BCL2: variants seen among roughly 807,000 people sequenced by gnomAD.
BCL2 encodes BCL2 apoptosis regulator, also known as apoptosis regulator Bcl-2.
BCL2 carries 1 observed loss-of-function variant against 14.2 expected under a neutral mutation model. That is an observed-to-expected ratio of 0.07 (90% confidence interval 0.02 to 0.33). The LOEUF is 0.33. BCL2 is among the 10% of genes least tolerant of loss of function. The pLI is 0.99. For synonymous variants in BCL2, 151 were observed against 137.2 expected (o/e 1.10, Z -0.70); for missense variants, 247 against 305.9 (o/e 0.81, Z 1.44).
chr18:63,317,785 G>C, intron 2 of BCL2: 1 of 1,258,776 alleles, frequency 7.9e-7, no homozygotes, highest in African/African-American at 1.5e-5. Context: ...CCTTCAGCTT[G>C]AGAAACACTG....
chr18:63,263,928 C>T (rs923623095), intron 2 of BCL2, among the ~76,000 whole-genome samples: 4 of 152,198 alleles, frequency 2.6e-5, no homozygotes, highest in South Asian at 2.1e-4. Context: ...CGGGTTTAAG[C>T]GAATCTCATT....
intron 2 of BCL2, among the ~76,000 whole-genome samples, chr18:63,300,488 G>GTA (rs1430496452): frequency 7.2e-5 from 11 of 151,922 alleles, no homozygotes; most frequent in Non-Finnish European, 1.5e-4. Context: ...GTGTGTGTGT[G>GTA]TGTGTATTTT....
At chr18:63,132,769 A>T (rs547639884) in intron 2 of BCL2, among the ~76,000 whole-genome samples, 1 of 152,334 alleles carries the variant, frequency 6.6e-6, no homozygotes, top group East Asian at 1.9e-4. Flanking sequence ...CTGTTTGAAC[A>T]GTCTGTCATT....
intron 2 of BCL2, chr18:63,317,023 A>G (rs1913519539): frequency 6.6e-6 from 1 of 152,058 alleles, no homozygotes; most frequent in East Asian, 1.9e-4. Flanking sequence ...ACAATCCTTG[A>G]CTCTTAGGAA....
At chr18:63,303,358 GAA>G (rs879675424) in intron 2 of BCL2, among the ~76,000 whole-genome samples, 1 of 150,740 alleles carries the variant, frequency 6.6e-6, no homozygotes, top group Non-Finnish European at 1.5e-5. Context: ...AAGGGAGACA[GAA>G]AAAAAAAGTT....
At chr18:63,145,399 TG>T (rs201148141) in intron 2 of BCL2, among the ~76,000 whole-genome samples, 2 of 121,936 alleles carry the variant, frequency 1.6e-5, no homozygotes, top group East Asian at 2.1e-4. Flanking sequence ...ATCCAGGGGG[TG>T]GGGGGGCTTC....
chr18:63,268,537 C>T (rs149222415), intron 2 of BCL2, among the ~76,000 whole-genome samples: 10 of 152,262 alleles, frequency 6.6e-5, no homozygotes, highest in Admixed American at 2.0e-4. Context: ...AAAATTGAGA[C>T]GAACTGCTGG....
chr18:63,157,785 T>C (rs1179185759), intron 2 of BCL2, among the ~76,000 whole-genome samples: 1 of 152,186 alleles, frequency 6.6e-6, no homozygotes, highest in Non-Finnish European at 1.5e-5. Context: ...TGTGCACCAC[T>C]GCTCCCGCAG....
intron 2 of BCL2, among the ~76,000 whole-genome samples, chr18:63,259,816 A>T (rs914514598): frequency 6.6e-6 from 1 of 152,256 alleles, no homozygotes; most frequent in Admixed American, 6.5e-5. Context: ...ATCTATATTG[A>T]ACAGAAAGAA....
intron 2 of BCL2, among the ~76,000 whole-genome samples, chr18:63,180,251 GC>G (rs1184442665): frequency 6.6e-6 from 1 of 152,234 alleles, no homozygotes; most frequent in African/African-American, 2.4e-5. Context: ...TAGCCAAGTT[GC>G]TTTTCTGAAT....
chr18:63,161,248 C>T (rs1156418158), intron 2 of BCL2, among the ~76,000 whole-genome samples: 1 of 152,052 alleles, frequency 6.6e-6, no homozygotes, highest in Non-Finnish European at 1.5e-5. Flanking sequence ...TTGGTGAAAT[C>T]CCCCCCTTGG....
At chr18:63,234,705 G>C (rs1012515481) in intron 2 of BCL2, among the ~76,000 whole-genome samples, 2 of 152,186 alleles carry the variant, frequency 1.3e-5, no homozygotes, top group African/African-American at 2.4e-5. Context: ...TCTGGAATTC[G>C]ATCTGGACTT....
At chr18:63,245,973 G>A (rs2144200071) in intron 2 of BCL2, among the ~76,000 whole-genome samples, 1 of 152,294 alleles carries the variant, frequency 6.6e-6, no homozygotes, top group Middle Eastern at 3.4e-3. Flanking sequence ...AAGAAATGGA[G>A]TCTACTGACT....
chr18:63,160,904 G>A (rs1485427387), intron 2 of BCL2, among the ~76,000 whole-genome samples: 1 of 152,170 alleles, frequency 6.6e-6, no homozygotes, highest in Non-Finnish European at 1.5e-5. Flanking sequence ...CAGAGTGAGT[G>A]CCAGGCAGCT....
intron 2 of BCL2, among the ~76,000 whole-genome samples, chr18:63,290,681 C>T (rs1471518850): frequency 1.3e-5 from 2 of 152,260 alleles, no homozygotes; most frequent in East Asian, 1.9e-4. Context: ...GGAGCCCTTG[C>T]TTTGGAGAGA....
chr18:63,129,769 G>A (rs546351659), intron 2 of BCL2, among the ~76,000 whole-genome samples: 122 of 152,340 alleles, frequency 8.0e-4, no homozygotes, highest in Non-Finnish European at 1.5e-3. Context: ...AGAGCATTTG[G>A]TCAGTCAAGG....
chr18:63,290,730 G>GA (rs563916622), intron 2 of BCL2, among the ~76,000 whole-genome samples: 32 of 152,010 alleles, frequency 2.1e-4, no homozygotes, highest in Non-Finnish European at 3.1e-4. Flanking sequence ...CACTCAGCAG[G>GA]AAAAAAATCT....
intron 2 of BCL2, among the ~76,000 whole-genome samples, chr18:63,262,026 C>T (rs190791557): frequency 1.4e-3 from 208 of 152,028 alleles, no homozygotes; most frequent in African/African-American, 4.9e-3. Flanking sequence ...GTGATCTGCC[C>T]GCCTCGGCCT....
At chr18:63,237,783 A>T (rs1910881689) in intron 2 of BCL2, among the ~76,000 whole-genome samples, 2 of 152,358 alleles carry the variant, frequency 1.3e-5, no homozygotes, top group Non-Finnish European at 2.9e-5. Context: ...AAGCTTAAAC[A>T]CCAAATCTGG....
Sources: gnomAD v4.1 joint callset for allele counts (sites outside exome capture counted in the v4.1 genomes callset) on GRCh38, gnomAD v4.1.1 for gene constraint, MANE v1.5 for transcripts, NCBI Gene and HGNC (gene_info 2026-07-23, HGNC 2026-07-21) for gene names.